The following SAMD11 variants were observed in gnomAD, a reference collection of about 807,000 sequenced individuals.
SAMD11 encodes sterile alpha motif domain containing 11.
In SAMD11, 77 loss-of-function variants were observed where a neutral mutation model predicts 64.4. The ratio of observed to expected loss-of-function variants is 1.20; its 90% CI spans 0.99 to 1.44. The LOEUF (loss-of-function observed/expected upper bound fraction) is 1.44. Ranked by LOEUF, SAMD11 falls within the 40% of genes most tolerant of loss-of-function variation. The pLI is 0.00. For missense variants in SAMD11, 1,402 were observed against 943.3 expected (o/e 1.49, Z -6.37); for synonymous variants, 658 against 421.9 (o/e 1.56, Z -6.86).
In SAMD11 at chr1:924,573, CCGGCCGCCTCGCTGCCCGCCT is replaced by C. The variant is rs1015561329; in HGVS notation, c.151_171del (p.Ser51_Ala57del). Reference sequence around the variant, plus strand: ...ACTGCCCGCGGCGGCCGCCCTCCCCCCGGCCGCCTCGCTGCCCGCCTCGGCCGCCGGTTACGAGGCTCTGCT... The same window carrying C: ...ACTGCCCGCGGCGGCCGCCCTCCCCCCGGCCGCCGGTTACGAGGCTCTGCT... On this transcript the variant is annotated inframe_deletion, in exon 1 of 14. Transcript: ENST00000616016. The C allele has an allele frequency of 1.3e-5, 2 of 151,100 alleles. No individual in the cohort carries two copies. Among genetic ancestry groups the C allele is most frequent in the African/African-American group, 4.8e-5 (2 of 41,244 alleles). The allele number at this position is 151,100 out of a possible 1,614,324, so 9.4% of individuals were successfully genotyped here.
chr1:942,116 C>T lies in SAMD11; in HGVS notation c.1359-20C>T, dbSNP rs761520263. 78 of 863,982 alleles carry T rather than the reference C, an allele frequency of 9.0e-5. No homozygotes were observed. The highest frequency in any genetic ancestry group is 9.2e-5 in the Admixed American group (3 of 32,670). The allele number at this position is 863,982 out of a possible 1,614,324, so 53.5% of individuals were successfully genotyped here. ...GAACGGGGGCGGGGGGGACGCCGCT[C>T]ATTGCGCTGCCGTCCACAGGGAGCT... On this transcript the variant is annotated intron_variant, in intron 8 of 13. Transcript: ENST00000616016.
Position 931,074 on chromosome 1 carries a change from G to A in SAMD11, c.827G>A (p.Arg276Gln), listed in dbSNP as rs201828504. The part of the protein sequence containing the change: ...HTHWDVNISF[R>Q]EASCSQDGNL... ...CACTGGGACGTGAACATCTCTTTCC[G>A]AGAGGCGTCCTGCAGGTAGGAGCCG... The change falls in exon 4 of 14, where the codon CGA becomes CAA. Residue 276 changes from arginine (R) to glutamine (Q), a missense_variant. By Grantham distance (43) the Arg-to-Gln change is conservative. Transcript: ENST00000616016. The A allele has an allele frequency of 1.1e-5, 18 of 1,612,492 alleles. No individual in the cohort carries two copies. The highest frequency in any genetic ancestry group is 1.7e-4 in the Middle Eastern group (1 of 5,806).
intron 2 of SAMD11, 129 bp downstream of exon 2, chr1:926,142 A>G (rs1473669765): frequency 2.3e-6 from 2 of 879,414 alleles, no homozygotes; most frequent in Non-Finnish European, 3.6e-6. Flanking sequence ...GGAGCCTCCG[A>G]AGGGCAGGGG....
intron 2 of SAMD11, among the ~76,000 whole-genome samples, chr1:927,203 C>T (rs1557599551): frequency 6.6e-6 from 1 of 152,216 alleles, no homozygotes. Context: ...AGCCCCCTGT[C>T]TGCTGTCACA....
intron 1 of SAMD11, 56 bp from the exon 2 acceptor site, chr1:925,866 A>C (rs1227324379): frequency 7.6e-7 from 1 of 1,320,148 alleles, no homozygotes; most frequent in Non-Finnish European, 1.1e-6. Context: ...CCTGCCGCTG[A>C]CTGCGCGCAG....
At chr1:925,855 C>G (rs755029143) in intron 1 of SAMD11, 67 bp from the exon 2 acceptor site, 1 of 1,164,968 alleles carries the variant, frequency 8.6e-7, no homozygotes. Flanking sequence ...GGGGTACTGG[C>G]CCTGCCGCTG....
rs760883730 is a variant in SAMD11 at position 944,146 on chromosome 1, T to C, written c.2528T>C (p.Leu843Pro). 5.8e-6 allele frequency: 9 copies of C among 1,553,390 alleles called. No homozygotes were observed. Among genetic ancestry groups the C allele is most frequent in the Non-Finnish European group, 7.8e-6 (9 of 1,148,364 alleles). ...LPGAPDPSQP[L>P]C ...GGGGCCCCCGACCCTTCCCAGCCTC[T>C]GTGTTGAGGTTGCCGGGGGTAGGGG... The change falls in exon 14 of 14, where the codon CTG (leucine) becomes CCG (proline). Residue 843 changes from leucine (L) to proline (P), a missense_variant. Leu to Pro is a moderately conservative substitution (Grantham distance 98). Transcript: ENST00000616016.
chr1:939,257 C>T lies in SAMD11; in HGVS notation c.1058-18C>T, dbSNP rs1408761189. The T allele has an allele frequency of 3.2e-6, 5 of 1,579,082 alleles. No individual in the cohort carries two copies. In the African/African-American group the frequency reaches 5.4e-5, roughly 17 times the overall value. ...GCAGTGCCTGGAGAAACCTCTCACC[C>T]CGGGTCCTCCCCAGCAGAGGCGCTG... On this transcript the variant is annotated intron_variant, in intron 6 of 13. Transcript: ENST00000616016.
intron 2 of SAMD11, 53 bp from the exon 3 acceptor site, chr1:930,102 T>TG (rs1417587221): frequency 6.6e-7 from 1 of 1,506,652 alleles, no homozygotes; most frequent in African/African-American, 1.4e-5. Context: ...CCTCTCCTCC[T>TG]GCCCCACCTT....
rs758894119 is a variant in SAMD11 at position 930,999 on chromosome 1, C to T, written c.792-40C>T. 9.2e-5 allele frequency: 147 copies of T among 1,595,500 alleles called. 1 individual carries two copies. In the East Asian group the frequency reaches 3.2e-3, roughly 35 times the overall value. On this transcript the variant is annotated intron_variant, in intron 3 of 13. Coordinates refer to ENST00000616016, the MANE Select transcript of SAMD11 (RefSeq NM_001385641.1). ...GCTATCCTGAGGCTGGGGTCAGGGG[C>T]CTCCAGAGCAACATGGACCTTCTGC...
rs946988897 is a variant in SAMD11, at chr1:944,410, C to A, written c.*257C>A. The A allele has an allele frequency of 4.5e-5, 52 of 1,161,490 alleles. No homozygotes were observed. The highest frequency in any genetic ancestry group is 5.5e-5 in the Non-Finnish European group (50 of 903,692). 71.9% of individuals were successfully genotyped at this position (1,161,490 alleles called of 1,614,324 possible). On this transcript the variant is annotated 3_prime_UTR_variant, in exon 14 of 14. Transcript: ENST00000616016. ...GGGCCAGGGGCCTGCAGGCCTCCCC[C>A]TGGAACTGGGACTGGTCTCGGTCTG...
chr1:934,007 CA>C (rs1641293122), intron 4 of SAMD11, among the ~76,000 whole-genome samples: 2 of 139,346 alleles, frequency 1.4e-5, no homozygotes, highest in African/African-American at 6.0e-5. Context: ...TACAGGTGGG[CA>C]GGGGAGGCGG....
chr1:925,898 G>C, intron 1 of SAMD11, 24 bp from the exon 2 acceptor site: 1 of 1,558,130 alleles, frequency 6.4e-7, no homozygotes, highest in South Asian at 1.1e-5. Context: ...TCCCTCACAG[G>C]GTCTGCCTCG....
At position 943,943 on chromosome 1, in the gene SAMD11, C is replaced by T. The variant is rs199572036; in HGVS notation, c.2325C>T (p.Ala775=). 58 of 1,612,664 alleles carry T rather than the reference C, an allele frequency of 3.6e-5. No individual in the cohort carries two copies. The highest frequency in any genetic ancestry group is 4.7e-5 in the Non-Finnish European group (56 of 1,179,836). The change falls in exon 14 of 14, where the codon GCC becomes GCT. Residue 775 remains alanine, a synonymous_variant. Coordinates refer to ENST00000616016, the MANE Select transcript of SAMD11 (RefSeq NM_001385641.1). ...ARRLGRVFYV[A]SFPVALPLQP... is the part of the protein sequence containing the mutation. ...GCCTGGGCCGAGTTTTCTACGTGGCCAGCTTCCCCGTGGCTCTGCCACTGC... is the reference window on the plus strand; with the variant it reads ...GCCTGGGCCGAGTTTTCTACGTGGCTAGCTTCCCCGTGGCTCTGCCACTGC...
Position 942,225 on chromosome 1 carries a change from T to C in SAMD11, c.1448T>C (p.Val483Ala), listed in dbSNP as rs2100356558. 2.2e-6 allele frequency: 3 copies of C among 1,344,086 alleles called. No homozygotes were observed. Among genetic ancestry groups the C allele is most frequent in the Non-Finnish European group, 2.9e-6 (3 of 1,039,118 alleles). 83.3% of individuals were successfully genotyped at this position (1,344,086 alleles called of 1,614,324 possible). ...CATCTCAGGCCCCCCTTCCTGGGGG[T>C]GCCCTCGGCTCTGTGCCAGACCCCA... is the stretch of plus-strand genomic sequence containing the variant. Reference protein sequence around the residue: ...GPHLRPPFLGVPSALCQTPGY... With the variant: ...GPHLRPPFLGAPSALCQTPGY... The change falls in exon 9 of 14, where the codon GTG becomes GCG. Residue 483 changes from valine (V) to alanine (A), a missense_variant. Physicochemically the swap from Val to Ala is moderately conservative, Grantham distance 64 (BLOSUM62 0). Transcript: ENST00000616016.
At chr1:933,424 C>T (rs1641261426) in intron 4 of SAMD11, among the ~76,000 whole-genome samples, 1 of 152,188 alleles carries the variant, frequency 6.6e-6, no homozygotes, top group East Asian at 1.9e-4. Flanking sequence ...AGCCCCTCCA[C>T]CCAGCTATTA....
Position 944,162 on chromosome 1 carries a change from G to A in SAMD11, c.*9G>A, listed in dbSNP as rs944675920. On this transcript the variant is annotated 3_prime_UTR_variant, in exon 14 of 14. Coordinates refer to ENST00000616016, the MANE Select transcript of SAMD11 (RefSeq NM_001385641.1). ...CCCAGCCTCTGTGTTGAGGTTGCCG[G>A]GGGTAGGGGTGGGGCCACACAAATC... 2.6e-6 allele frequency: 4 copies of A among 1,535,224 alleles called. No individual in the cohort carries two copies. Among genetic ancestry groups the A allele is most frequent in the Non-Finnish European group, 1.8e-6 (2 of 1,140,020 alleles).
rs1641401334 is a variant in SAMD11 at position 935,790 on chromosome 1, C to T, written c.861C>T (p.Pro287=). 1 of 1,613,312 alleles carries T rather than the reference C, an allele frequency of 6.2e-7. No homozygotes were observed. The highest frequency in any genetic ancestry group is 1.3e-5 in the African/African-American group (1 of 74,924). ...TCTGCAGCCAGGACGGCAACCTTCC[C>T]ACCCTCATATCCAGCGTCCACCGCA... is the stretch of plus-strand genomic sequence containing the variant. ...EASCSQDGNL[P]TLISSVHRSR... is the part of the protein sequence containing the mutation. The change falls in exon 5 of 14, where the codon CCC becomes CCT. Residue 287 remains proline, a synonymous_variant. Coordinates refer to ENST00000616016, the MANE Select transcript of SAMD11 (RefSeq NM_001385641.1).
chr1:930,994 A>G (rs1445748699), intron 3 of SAMD11, 45 bp from the exon 4 acceptor site: 5 of 1,588,664 alleles, frequency 3.1e-6, no homozygotes, highest in African/African-American at 2.7e-5. Context: ...GGCTGGGGTC[A>G]GGGGCCTCCA....
Sources: gnomAD v4.1 joint callset for allele counts (sites outside exome capture counted in the v4.1 genomes callset) on GRCh38, gnomAD v4.1.1 for gene constraint, MANE v1.5 for transcripts, NCBI Gene and HGNC (gene_info 2026-07-23, HGNC 2026-07-21) for gene names.